EXPH5: variants seen among roughly 807,000 people sequenced by gnomAD.
EXPH5 encodes the protein exophilin-5.
Under a neutral mutation model 41.1 loss-of-function variants are expected in EXPH5, and 42 were observed. That is an observed-to-expected ratio of 1.02 (90% CI 0.80 to 1.32). EXPH5 has a LOEUF of 1.32. EXPH5 is among the 40% of genes most tolerant of loss of function. EXPH5 has a pLI of 0.00. For synonymous variants in EXPH5, 798 were observed against 833.5 expected (o/e 0.96, Z 0.73); for missense variants, 2,298 against 2,314.5 (o/e 0.99, Z 0.15).
chr11:108,550,082 T>C (rs958940255), intron 1 of EXPH5, among the ~76,000 whole-genome samples: 3 of 152,168 alleles, frequency 2.0e-5, no homozygotes, highest in African/African-American at 2.4e-5. Context: ...GGACAACTAC[T>C]GTTAAGAGGC....
chr11:108,551,372 A>G (rs1013466397), intron 1 of EXPH5, among the ~76,000 whole-genome samples: 1 of 152,224 alleles, frequency 6.6e-6, no homozygotes, highest in African/African-American at 2.4e-5. Context: ...GAAAACAAAC[A>G]ATTCCCTAAG....
chr11:108,571,620 G>A (rs1370613154), intron 1 of EXPH5, among the ~76,000 whole-genome samples: 2 of 152,096 alleles, frequency 1.3e-5, no homozygotes, highest in African/African-American at 4.8e-5. Context: ...GAGCTCCCAA[G>A]GGCAAACTCG....
chr11:108,567,502 C>T (rs2094039602), intron 1 of EXPH5, among the ~76,000 whole-genome samples: 1 of 152,160 alleles, frequency 6.6e-6, no homozygotes, highest in Non-Finnish European at 1.5e-5. Flanking sequence ...GTCCATGCCA[C>T]CCCTTAAGTA....
chr11:108,588,859 C>T (rs1016304305), intron 1 of EXPH5, among the ~76,000 whole-genome samples: 1 of 152,168 alleles, frequency 6.6e-6, no homozygotes, highest in South Asian at 2.1e-4. Flanking sequence ...TGTGTATTGC[C>T]TGTGGGGACA....
intron 1 of EXPH5, among the ~76,000 whole-genome samples, chr11:108,578,875 C>T (rs960497550): frequency 6.6e-6 from 1 of 152,112 alleles, no homozygotes; most frequent in Non-Finnish European, 1.5e-5. Flanking sequence ...TGACTGAATT[C>T]TTTTATCAGT....
intron 1 of EXPH5, among the ~76,000 whole-genome samples, chr11:108,587,658 T>A (rs1050445809): frequency 3.3e-5 from 5 of 152,254 alleles, no homozygotes; most frequent in Admixed American, 2.0e-4. Context: ...AAGACATTTT[T>A]AAAAAGTATT....
intron 3 of EXPH5, among the ~76,000 whole-genome samples, chr11:108,535,005 C>T (rs1229411479): frequency 1.3e-5 from 2 of 152,154 alleles, no homozygotes; most frequent in Non-Finnish European, 2.9e-5. Context: ...TTGTTTCCAG[C>T]ACTTAACATA....
At chr11:108,556,382 C>T (rs941118605) in intron 1 of EXPH5, among the ~76,000 whole-genome samples, 7 of 151,978 alleles carry the variant, frequency 4.6e-5, no homozygotes, top group Admixed American at 3.3e-4. Flanking sequence ...AGAGTGTTTC[C>T]ATTTTGGTGT....
intron 3 of EXPH5, among the ~76,000 whole-genome samples, chr11:108,529,767 C>T (rs1401971838): frequency 1.3e-5 from 2 of 151,568 alleles, no homozygotes; most frequent in African/African-American, 4.9e-5. Flanking sequence ...TTGCTTGAAC[C>T]TGGGAGGCAG....
At chr11:108,577,619 C>T (rs555771904) in intron 1 of EXPH5, among the ~76,000 whole-genome samples, 10 of 152,016 alleles carry the variant, frequency 6.6e-5, no homozygotes, top group Non-Finnish European at 1.0e-4. Context: ...GACAGGGTTT[C>T]GCCGTGTTGC....
At chr11:108,536,379 C>T (rs2093880136) in intron 3 of EXPH5, among the ~76,000 whole-genome samples, 1 of 151,940 alleles carries the variant, frequency 6.6e-6, no homozygotes, top group Non-Finnish European at 1.5e-5. Flanking sequence ...GATCCTCCTA[C>T]CTCACCCTCC....
chr11:108,565,920 G>T (rs1179223591), intron 1 of EXPH5, among the ~76,000 whole-genome samples: 1 of 152,088 alleles, frequency 6.6e-6, no homozygotes, highest in Non-Finnish European at 1.5e-5. Flanking sequence ...TTTGTCACAC[G>T]ATCTAACTTG....
At position 108,513,213 on chromosome 11, in the gene EXPH5, CTTA is replaced by C. The variant is rs1389029747; in HGVS notation, c.2291_2293del (p.Ile764del). The C allele has an allele frequency of 6.2e-7, 1 of 1,613,798 alleles. No individual in the cohort carries two copies. The highest frequency in any genetic ancestry group is 8.5e-7 in the Non-Finnish European group (1 of 1,179,946). ...AAAGACTCTGGGTGACTTTTTTGAA[CTTA>C]TTATGGTAGATGCATTAAAACCAAA... is the stretch of plus-strand genomic sequence containing the variant. On this transcript the variant is annotated inframe_deletion, in exon 6 of 6. Transcript: ENST00000265843.
chr11:108,509,555 G>A lies in EXPH5; in HGVS notation c.5952C>T (p.Asp1984=), dbSNP rs1307594158. 5.1e-6 allele frequency: 8 copies of A among 1,557,196 alleles called. No individual in the cohort carries two copies. Among genetic ancestry groups the A allele is most frequent in the South Asian group, 1.3e-5 (1 of 79,882 alleles). Residue 1984 remains aspartate (D), a synonymous_variant, in exon 6 of 6, where the codon GAC becomes GAT. Transcript: ENST00000265843. The part of the protein sequence containing the change: ...TDDEYYLDEN[D]KESEL Reference sequence around the variant, plus strand: ...AAAAGCCTCACAGTTCTGACTCTTTGTCATTTTCATCCAGGTAGTATTCAT... The same window carrying A: ...AAAAGCCTCACAGTTCTGACTCTTTATCATTTTCATCCAGGTAGTATTCAT...
rs2093665670 is a variant in EXPH5, at chr11:108,509,915, C to T, written c.5592G>A (p.Trp1864Ter). The T allele has an allele frequency of 1.2e-6, 2 of 1,609,554 alleles. No homozygotes were observed. Among genetic ancestry groups the T allele is most frequent in the Non-Finnish European group, 1.7e-6 (2 of 1,178,296 alleles). Reference protein sequence around the residue: ...ELPSCDGNESWAYRSGTKTGP... With the variant: ...ELPSCDGNES Reference sequence around the variant, plus strand: ...CTGTTTTTGTCCCGCTGCGATAAGCCCAACTTTCATTTCCATCACAGGAGG... The same window carrying T: ...CTGTTTTTGTCCCGCTGCGATAAGCTCAACTTTCATTTCCATCACAGGAGG... Residue 1864 changes from tryptophan to a stop codon, truncating the protein, a stop_gained, in exon 6 of 6, where the codon TGG (tryptophan) becomes TGA (stop). Coordinates refer to ENST00000265843, the MANE Select transcript of EXPH5 (RefSeq NM_015065.3). LOFTEE classifies it high-confidence loss of function.
chr11:108,561,316 T>G (rs1164362143), intron 1 of EXPH5, among the ~76,000 whole-genome samples: 2 of 152,098 alleles, frequency 1.3e-5, no homozygotes, highest in Non-Finnish European at 2.9e-5. Flanking sequence ...ATTATTGGCA[T>G]AGAAAAAGAA....
At chr11:108,523,631 G>A (rs1043336881) in intron 4 of EXPH5, among the ~76,000 whole-genome samples, 2 of 152,138 alleles carry the variant, frequency 1.3e-5, no homozygotes, top group Non-Finnish European at 2.9e-5. Flanking sequence ...CAGCATTTTG[G>A]GAGGCCAAGG....
At chr11:108,544,440 T>C (rs569930795) in intron 1 of EXPH5, among the ~76,000 whole-genome samples, 90 of 152,172 alleles carry the variant, frequency 5.9e-4, no homozygotes, top group Non-Finnish European at 1.1e-3. Flanking sequence ...ATTGTTGAGA[T>C]TACAAGCGTG....
intron 1 of EXPH5, among the ~76,000 whole-genome samples, chr11:108,591,350 A>G (rs2136129505): frequency 1.3e-5 from 2 of 152,316 alleles, no homozygotes; most frequent in Middle Eastern, 6.8e-3. Context: ...AATATCTGAT[A>G]CTGAAATTAA....
Sources: allele counts gnomAD v4.1 joint callset (sites outside exome capture counted in the v4.1 genomes callset), GRCh38; gene constraint gnomAD v4.1.1; transcripts MANE v1.5; gene names NCBI Gene and HGNC (gene_info 2026-07-23, HGNC 2026-07-21).